ACOX3: variants seen among roughly 807,000 people sequenced by gnomAD.
ACOX3 encodes peroxisomal acyl-coenzyme A oxidase 3.
ACOX3 carries 73 observed loss-of-function variants against 81.5 expected under a neutral mutation model. The ratio of observed to expected loss-of-function variants is 0.90; its 90% CI spans 0.74 to 1.09. The LOEUF is 1.09. Among genes scored for constraint, ACOX3 ranks in the 50% least tolerant of loss-of-function variants. ACOX3 has a pLI of 0.00. For synonymous variants in ACOX3, 387 were observed against 375.1 expected (o/e 1.03, Z -0.37); for missense variants, 947 against 928.0 (o/e 1.02, Z -0.27).
chr4:8,396,539 T>C (rs1719707405), intron 9 of ACOX3, among the ~76,000 whole-genome samples: 1 of 151,982 alleles, frequency 6.6e-6, no homozygotes, highest in Admixed American at 6.6e-5. Context: ...TAGCCGGGCA[T>C]GGTGGTGCAT....
At chr4:8,377,053 G>A (rs1717056589) in intron 14 of ACOX3, among the ~76,000 whole-genome samples, 2 of 151,980 alleles carry the variant, frequency 1.3e-5, no homozygotes, top group African/African-American at 4.8e-5. Flanking sequence ...GACGGCATCT[G>A]CACCCCCGTA....
At chr4:8,402,297 G>A (rs1434001765) in intron 7 of ACOX3, among the ~76,000 whole-genome samples, 1 of 152,238 alleles carries the variant, frequency 6.6e-6, no homozygotes, top group Non-Finnish European at 1.5e-5. Context: ...CCTGCAGGAA[G>A]TGAAGGGCAG....
intron 14 of ACOX3, among the ~76,000 whole-genome samples, chr4:8,376,103 G>T (rs1578862810): frequency 6.6e-6 from 1 of 152,140 alleles, no homozygotes; most frequent in Admixed American, 6.5e-5. Flanking sequence ...TGCCCTCCAC[G>T]GTGGCTGAAC....
chr4:8,365,413 G>C (rs1715349402), downstream of ACOX3, among the ~76,000 whole-genome samples: 1 of 152,224 alleles, frequency 6.6e-6, no homozygotes, highest in Non-Finnish European at 1.5e-5. Flanking sequence ...AATTCAGGTG[G>C]GGATGCTCCT....
chr4:8,357,546 G>A, the ACOX3 span: 1 of 299,884 alleles, frequency 3.3e-6, no homozygotes, highest in Non-Finnish European at 6.6e-6. Context: ...AGAAAACGGT[G>A]GCAGCAAGCA....
rs925668567 is a variant in ACOX3 at position 8,414,581 on chromosome 4, C to T, written c.454-200G>A. 1.3e-5 allele frequency among the ~76,000 whole-genome samples: 2 copies of T among 152,222 alleles called. No individual in the cohort carries two copies. Among genetic ancestry groups the T allele is most frequent in the African/African-American group, 4.8e-5 (2 of 41,460 alleles). On this transcript the variant is annotated intron_variant, in intron 4 of 17. Coordinates refer to ENST00000356406, the MANE Select transcript of ACOX3 (RefSeq NM_003501.3). The surrounding 1 kb of genome is among the most constrained non-coding windows in gnomAD (Gnocchi z 6.1). The stretch of plus-strand genomic sequence containing the variant: ...ACAGCAGCCTAAACCAAGCTGACCG[C>T]AGCTGCTCCACGTCAGCAAGGTGGC...
Position 8,419,366 on chromosome 4 carries a change from C to G in ACOX3, c.-14-2831G>C, listed in dbSNP as rs990344037. On this transcript the variant is annotated intron_variant, in intron 1 of 17. Coordinates refer to ENST00000356406, the MANE Select transcript of ACOX3 (RefSeq NM_003501.3). The surrounding 1 kb of genome is among the most constrained non-coding windows in gnomAD (Gnocchi z 4.2). ...CAGAGAATTACTTAAACCCGGGAGG[C>G]AGAGATTGCAGTAGCCTAGATTGCG... 1.3e-5 allele frequency among the ~76,000 whole-genome samples: 2 copies of G among 150,802 alleles called. No homozygotes were observed. Among genetic ancestry groups the G allele is most frequent in the African/African-American group, 4.9e-5 (2 of 40,868 alleles).
Position 8,416,010 on chromosome 4 carries a change from A to G in ACOX3, c.145-11T>C. ...TGAGAAGATGGTTTTCTGGAAATGCAGGAGATGGGTAAGGCTTATTTGGAG... is the reference window on the plus strand; with the variant it reads ...TGAGAAGATGGTTTTCTGGAAATGCGGGAGATGGGTAAGGCTTATTTGGAG... On this transcript the variant is annotated splice_polypyrimidine_tract_variant and intron_variant, in intron 2 of 17. Transcript: ENST00000356406. The surrounding 1 kb of genome is among the most constrained non-coding windows in gnomAD (Gnocchi z 4.2). 1.9e-6 allele frequency: 3 copies of G among 1,611,662 alleles called. No homozygotes were observed. Among genetic ancestry groups the G allele is most frequent in the Non-Finnish European group, 2.5e-6 (3 of 1,177,936 alleles).
In ACOX3 at chr4:8,394,402, G is replaced by A. The variant is rs560237856; in HGVS notation, c.1179+218C>T. Among the ~76,000 whole-genome samples the A allele has an allele frequency of 2.6e-5, 4 of 152,204 alleles. No individual in the cohort carries two copies. Among genetic ancestry groups the A allele is most frequent in the African/African-American group, 4.8e-5 (2 of 41,450 alleles). On this transcript the variant is annotated intron_variant, in intron 10 of 17. Coordinates refer to ENST00000356406, the MANE Select transcript of ACOX3 (RefSeq NM_003501.3). This position sits in a 1 kb window ranked among gnomAD's most constrained non-coding sequence, Gnocchi z 5.9. ...AACTCACAGACTGGAACCGGGAGTC[G>A]TGTCAGCACATCCTTGAGAGGCAGG...
At chr4:8,433,388 G>A (rs1407892948) in intron 1 of ACOX3, among the ~76,000 whole-genome samples, 1 of 152,236 alleles carries the variant, frequency 6.6e-6, no homozygotes, top group Non-Finnish European at 1.5e-5. Context: ...AAGTGCTGGA[G>A]GCACAGGTCA....
At chr4:8,388,518 G>A (rs1043586572) in intron 13 of ACOX3, among the ~76,000 whole-genome samples, 1 of 152,226 alleles carries the variant, frequency 6.6e-6, no homozygotes, top group Non-Finnish European at 1.5e-5. Flanking sequence ...ACGGCCAGGC[G>A]CCTCATTCCC....
chr4:8,435,925 T>A (rs1724211173), intron 1 of ACOX3, among the ~76,000 whole-genome samples: 1 of 151,976 alleles, frequency 6.6e-6, no homozygotes, highest in Non-Finnish European at 1.5e-5. Flanking sequence ...GGTCTCACCT[T>A]GAAGGGGAAG....
At chr4:8,410,482 G>C (rs77613013) in intron 5 of ACOX3, 127 bp from the exon 6 acceptor site, 42,460 of 1,253,176 alleles carry the variant, frequency 0.034, 1,199 homozygotes, top group African/African-American at 0.13. Context: ...GAAACTAATC[G>C]CACATTTTAG....
Position 8,430,016 on chromosome 4 carries a change from A to C in ACOX3, c.-15+10632T>G, listed in dbSNP as rs530120362. The stretch of plus-strand genomic sequence containing the variant: ...CAGCTCAGTTATGGGGAGGAGAAAG[A>C]GAAGTACAATTTTAAATGTGTATCA... On this transcript the variant is annotated intron_variant, in intron 1 of 17. Coordinates refer to ENST00000356406, the MANE Select transcript of ACOX3 (RefSeq NM_003501.3). This position sits in a 1 kb window ranked among gnomAD's most constrained non-coding sequence, Gnocchi z 5.2. 6.6e-6 allele frequency among the ~76,000 whole-genome samples: 1 copy of C among 152,346 alleles called. No homozygotes were observed. The highest frequency in any genetic ancestry group is 2.1e-4 in the South Asian group (1 of 4,828).
chr4:8,371,817 A>G (rs1716246561), intron 16 of ACOX3, among the ~76,000 whole-genome samples: 1 of 152,252 alleles, frequency 6.6e-6, no homozygotes, highest in Non-Finnish European at 1.5e-5. Context: ...GAGCCCGACA[A>G]ACGTGTTCCG....
chr4:8,399,465 C>A lies in ACOX3; in HGVS notation c.873+91G>T. The A allele has an allele frequency of 8.5e-7, 1 of 1,177,086 alleles. No homozygotes were observed. The highest frequency in any genetic ancestry group is 1.2e-6 in the Non-Finnish European group (1 of 808,764). 72.9% of individuals were successfully genotyped at this position (1,177,086 alleles called of 1,614,324 possible). On this transcript the variant is annotated intron_variant, in intron 8 of 17. Coordinates refer to ENST00000356406, the MANE Select transcript of ACOX3 (RefSeq NM_003501.3). This position sits in a 1 kb window ranked among gnomAD's most constrained non-coding sequence, Gnocchi z 4.9. ...CACCTGGCCTACGTGGAGGGGTCTC[C>A]TTTCCAGGTGCAGGGAGGAGCACAG...
In ACOX3 at chr4:8,368,927, G is replaced by A. The variant is rs974594711; in HGVS notation, c.1984-1847C>T. 6.6e-6 allele frequency among the ~76,000 whole-genome samples: 1 copy of A among 151,996 alleles called. No homozygotes were observed. Among genetic ancestry groups the A allele is most frequent in the African/African-American group, 2.4e-5 (1 of 41,368 alleles). ...ACTCCTGGGCTAAAGGGATCCGCCC[G>A]CCTCAGCCTTCCAAAGTGCTAGGAT... On this transcript the variant is annotated intron_variant, in intron 17 of 17. Coordinates refer to ENST00000356406, the MANE Select transcript of ACOX3 (RefSeq NM_003501.3). This position sits in a 1 kb window ranked among gnomAD's most constrained non-coding sequence, Gnocchi z 5.9.
At chr4:8,411,645 G>C (rs1721738996) in intron 5 of ACOX3, among the ~76,000 whole-genome samples, 2 of 152,250 alleles carry the variant, frequency 1.3e-5, no homozygotes, top group South Asian at 2.1e-4. Context: ...GGCCTGCACT[G>C]CTCCACACAG....
intron 7 of ACOX3, among the ~76,000 whole-genome samples, chr4:8,402,694 G>A (rs1234680848): frequency 6.6e-6 from 1 of 152,174 alleles, no homozygotes; most frequent in African/African-American, 2.4e-5. Context: ...GCCAGATCCA[G>A]TGTCTCCAGC....
Sources: allele counts gnomAD v4.1 joint callset (sites outside exome capture counted in the v4.1 genomes callset), GRCh38; gene constraint gnomAD v4.1.1; non-coding constraint Gnocchi (gnomAD v3.1); transcripts MANE v1.5; gene names NCBI Gene and HGNC (gene_info 2026-07-23, HGNC 2026-07-21).